The following WDR70 variants were observed in gnomAD, a reference collection of about 807,000 sequenced individuals.
WDR70 encodes the protein WD repeat domain 70.
WDR70 carries 53 observed loss-of-function variants against 88.6 expected under a neutral mutation model. The observed-to-expected ratio is 0.60, with a 90% CI of 0.48 to 0.75. WDR70 has a LOEUF of 0.75. Among genes scored for constraint, WDR70 ranks in the 30% least tolerant of loss-of-function variants. WDR70 has a pLI of 0.00. For synonymous variants in WDR70, 280 were observed against 270.0 expected (o/e 1.04, Z -0.36); for missense variants, 610 against 823.2 (o/e 0.74, Z 3.17).
intron 10 of WDR70, among the ~76,000 whole-genome samples, chr5:37,683,767 T>C (rs956563156): frequency 6.6e-6 from 1 of 152,162 alleles, no homozygotes; most frequent in Non-Finnish European, 1.5e-5. Context: ...TCTAGCTGCC[T>C]TTAACATTTT....
At chr5:37,383,211 G>A (rs1408110558) in intron 3 of WDR70, among the ~76,000 whole-genome samples, 1 of 152,166 alleles carries the variant, frequency 6.6e-6, no homozygotes, top group Non-Finnish European at 1.5e-5. Context: ...AAAACTTTTT[G>A]TGGTGAAAAG....
At chr5:37,605,701 A>G (rs1047686757) in intron 10 of WDR70, among the ~76,000 whole-genome samples, 1 of 152,148 alleles carries the variant, frequency 6.6e-6, no homozygotes, top group Non-Finnish European at 1.5e-5. Context: ...TTAATATTCT[A>G]TGACATTTCA....
intron 7 of WDR70, among the ~76,000 whole-genome samples, chr5:37,465,785 A>T (rs978435309): frequency 1.3e-5 from 1 of 75,026 alleles, no homozygotes; most frequent in African/African-American, 5.0e-5. Context: ...TATTTATATT[A>T]AAAAAATTTC....
chr5:37,436,921 G>T (rs572385175), intron 5 of WDR70, among the ~76,000 whole-genome samples: 33 of 152,110 alleles, frequency 2.2e-4, no homozygotes, highest in Non-Finnish European at 4.1e-4. Context: ...ATTTGTAATA[G>T]ACATATAATA....
At chr5:37,650,202 C>A (rs1455956548) in intron 10 of WDR70, among the ~76,000 whole-genome samples, 1 of 150,614 alleles carries the variant, frequency 6.6e-6, no homozygotes, top group Non-Finnish European at 1.5e-5. Context: ...TTGAGACCAT[C>A]CTGGCTAACA....
intron 8 of WDR70, among the ~76,000 whole-genome samples, chr5:37,481,338 C>G (rs923319175): frequency 2.0e-5 from 3 of 152,168 alleles, no homozygotes; most frequent in Middle Eastern, 3.2e-3. Context: ...GGGCCCCCCC[C>G]GCTCCCTGCA....
At chr5:37,527,277 A>C (rs1741313318) in intron 9 of WDR70, among the ~76,000 whole-genome samples, 2 of 152,202 alleles carry the variant, frequency 1.3e-5, no homozygotes, top group Non-Finnish European at 2.9e-5. Flanking sequence ...ACTCGTACCA[A>C]AACAGAGATA....
At chr5:37,690,406 G>T (rs559257726) in intron 10 of WDR70, among the ~76,000 whole-genome samples, 1 of 152,108 alleles carries the variant, frequency 6.6e-6, no homozygotes, top group Non-Finnish European at 1.5e-5. Context: ...ACACATAATT[G>T]TCAGATTCAC....
intron 5 of WDR70, among the ~76,000 whole-genome samples, chr5:37,409,376 G>A (rs1163067596): frequency 6.6e-6 from 1 of 152,072 alleles, no homozygotes; most frequent in Non-Finnish European, 1.5e-5. Context: ...CGAGATTTTT[G>A]TCAAGCTTGA....
At chr5:37,568,261 G>T (rs997477033) in intron 9 of WDR70, among the ~76,000 whole-genome samples, 1 of 152,156 alleles carries the variant, frequency 6.6e-6, no homozygotes, top group Admixed American at 6.5e-5. Context: ...TGTTTGGCAG[G>T]TGTGGTGTTT....
chr5:37,550,630 A>G (rs1273662401), intron 9 of WDR70, among the ~76,000 whole-genome samples: 4 of 152,074 alleles, frequency 2.6e-5, no homozygotes, highest in Non-Finnish European at 4.4e-5. Context: ...GTGTGTCTTT[A>G]TAGGGGAGGT....
At chr5:37,528,376 A>G (rs1028363664) in intron 9 of WDR70, among the ~76,000 whole-genome samples, 2 of 152,196 alleles carry the variant, frequency 1.3e-5, no homozygotes, top group African/African-American at 4.8e-5. Context: ...AACTATCACA[A>G]GGACAAAAAA....
intron 10 of WDR70, among the ~76,000 whole-genome samples, chr5:37,659,790 T>C (rs371351145): frequency 6.6e-6 from 1 of 152,106 alleles, no homozygotes; most frequent in Non-Finnish European, 1.5e-5. Context: ...CCTCTTCTTA[T>C]ATGGACACTA....
intron 10 of WDR70, among the ~76,000 whole-genome samples, chr5:37,649,730 C>CTTCT (rs1745340156): frequency 2.0e-5 from 1 of 48,848 alleles, no homozygotes. Flanking sequence ...GATGTTATTA[C>CTTCT]TTCTTTTTTT....
At chr5:37,581,512 C>T (rs1364622957) in intron 9 of WDR70, among the ~76,000 whole-genome samples, 4 of 152,048 alleles carry the variant, frequency 2.6e-5, no homozygotes, top group Non-Finnish European at 5.9e-5. Flanking sequence ...TTACTCATGT[C>T]GTTATTTTTT....
chr5:37,394,078 G>T (rs948314548), intron 4 of WDR70, among the ~76,000 whole-genome samples: 2 of 152,004 alleles, frequency 1.3e-5, no homozygotes, highest in Non-Finnish European at 2.9e-5. Flanking sequence ...AGGCCGAACT[G>T]GGTGGATCAC....
At chr5:37,638,736 T>C (rs1207277998) in intron 10 of WDR70, among the ~76,000 whole-genome samples, 3 of 152,204 alleles carry the variant, frequency 2.0e-5, no homozygotes, top group Non-Finnish European at 2.9e-5. Context: ...TTTTGTTAAT[T>C]GGTATATTAC....
Position 37,508,517 on chromosome 5 carries a change from G to GT in WDR70, c.841-7991dup, listed in dbSNP as rs986723271. 7.2e-5 allele frequency among the ~76,000 whole-genome samples: 11 copies of GT among 152,278 alleles called. 1 individual carries two copies. Among genetic ancestry groups the GT allele is most frequent in the East Asian group, 3.9e-4 (2 of 5,182 alleles). Reference sequence around the variant, plus strand: ...GTTTTCTGTCACTGATTGGCTGAGAGTTTTTTATCATGAATGGCTATTGAG... The same window carrying GT: ...GTTTTCTGTCACTGATTGGCTGAGAGTTTTTTTATCATGAATGGCTATTGAG... On this transcript the variant is annotated intron_variant, in intron 8 of 17. Coordinates refer to ENST00000265107, the MANE Select transcript of WDR70 (RefSeq NM_018034.4).
intron 5 of WDR70, among the ~76,000 whole-genome samples, chr5:37,411,481 T>C (rs1032947145): frequency 6.6e-6 from 1 of 152,200 alleles, no homozygotes; most frequent in African/African-American, 2.4e-5. Context: ...ATTCCAACAC[T>C]TTGGGAGGCC....
Sources: allele counts gnomAD v4.1 joint callset (sites outside exome capture counted in the v4.1 genomes callset), GRCh38; gene constraint gnomAD v4.1.1; transcripts MANE v1.5; gene names NCBI Gene and HGNC (gene_info 2026-07-23, HGNC 2026-07-21).